ZMAT4: variants seen among roughly 807,000 people sequenced by gnomAD.
ZMAT4 encodes zinc finger matrin-type protein 4.
A neutral mutation model predicts 28.7 loss-of-function variants in ZMAT4; 17 were observed. The ratio of observed to expected loss-of-function variants is 0.59; its 90% CI spans 0.41 to 0.89. The LOEUF (loss-of-function observed/expected upper bound fraction) is 0.89. ZMAT4 is among the 40% of genes least tolerant of loss of function. The probability of loss-of-function intolerance (pLI) is 0.00; values close to 1 mark genes in which losing one functional copy is unlikely to be tolerated. For missense variants in ZMAT4, 240 were observed against 283.8 expected, an observed-to-expected ratio of 0.85 and a Z score of 1.11; for synonymous variants, 117 against 109.2, an observed-to-expected ratio of 1.07 and a Z score of -0.44.
At chr8:40,728,411 G>T (rs777182264) in intron 3 of ZMAT4, among the ~76,000 whole-genome samples, 1 of 152,070 alleles carries the variant, frequency 6.6e-6, no homozygotes, top group Non-Finnish European at 1.5e-5. Flanking sequence ...TTTCCATCTT[G>T]TGGGTCCATA....
intron 1 of ZMAT4, among the ~76,000 whole-genome samples, chr8:40,881,445 A>AAG (rs1818227806): frequency 8.9e-6 from 1 of 111,950 alleles, no homozygotes; most frequent in African/African-American, 3.9e-5. Flanking sequence ...GAAAGAAAGA[A>AAG]AGAAAGAAAG....
At chr8:40,609,188 A>C (rs1049299587) in intron 5 of ZMAT4, among the ~76,000 whole-genome samples, 1 of 152,234 alleles carries the variant, frequency 6.6e-6, no homozygotes, top group Non-Finnish European at 1.5e-5. Flanking sequence ...AAATATAATA[A>C]AAACAAAAGC....
chr8:40,584,929 A>G (rs544201386), intron 5 of ZMAT4, among the ~76,000 whole-genome samples: 1 of 152,298 alleles, frequency 6.6e-6, no homozygotes, highest in East Asian at 1.9e-4. Flanking sequence ...CCACTGCACC[A>G]GGCCTAAAGT....
intron 6 of ZMAT4, among the ~76,000 whole-genome samples, chr8:40,580,223 A>C (rs1196234586): frequency 5.9e-5 from 9 of 151,998 alleles, no homozygotes; most frequent in Non-Finnish European, 1.2e-4. Flanking sequence ...CGTGTTGGCC[A>C]GGATGGTCTC....
intron 3 of ZMAT4, among the ~76,000 whole-genome samples, chr8:40,700,319 A>G (rs536719533): frequency 6.6e-6 from 1 of 151,182 alleles, no homozygotes; most frequent in East Asian, 2.0e-4. Flanking sequence ...GAAATGCTGG[A>G]ATGCCCTTTT....
At chr8:40,703,196 G>A (rs1279422876) in intron 3 of ZMAT4, among the ~76,000 whole-genome samples, 4 of 152,126 alleles carry the variant, frequency 2.6e-5, no homozygotes, top group African/African-American at 9.7e-5. Flanking sequence ...ATAGAACATA[G>A]CTACTGTGGA....
intron 6 of ZMAT4, among the ~76,000 whole-genome samples, chr8:40,577,405 T>C (rs1804303674): frequency 6.6e-6 from 1 of 152,210 alleles, no homozygotes; most frequent in South Asian, 2.1e-4. Flanking sequence ...GGACATTATG[T>C]TAAGTGAAAT....
At chr8:40,538,397 AT>A (rs1349951497) in intron 6 of ZMAT4, among the ~76,000 whole-genome samples, 4 of 152,214 alleles carry the variant, frequency 2.6e-5, no homozygotes, top group African/African-American at 9.6e-5. Flanking sequence ...TTTTAAATGT[AT>A]TTGATTGATG....
chr8:40,533,993 AT>A (rs1334546545), intron 6 of ZMAT4, among the ~76,000 whole-genome samples: 3 of 152,220 alleles, frequency 2.0e-5, no homozygotes, highest in Non-Finnish European at 4.4e-5. Flanking sequence ...GAAGGACAGC[AT>A]CTTCACGTAA....
intron 6 of ZMAT4, among the ~76,000 whole-genome samples, chr8:40,555,031 G>A (rs1803487290): frequency 6.6e-6 from 1 of 152,086 alleles, no homozygotes; most frequent in Non-Finnish European, 1.5e-5. Context: ...ATCTCCATGA[G>A]ATTAACTTTT....
At chr8:40,702,016 G>T (rs1318257977) in intron 3 of ZMAT4, among the ~76,000 whole-genome samples, 1 of 152,180 alleles carries the variant, frequency 6.6e-6, no homozygotes, top group African/African-American at 2.4e-5. Flanking sequence ...GAGAGAGGGG[G>T]TTTGTTATCA....
chr8:40,649,155 T>A (rs1225517703), intron 5 of ZMAT4, among the ~76,000 whole-genome samples: 3 of 152,004 alleles, frequency 2.0e-5, no homozygotes, highest in Non-Finnish European at 4.4e-5. Context: ...TCAAGACCCA[T>A]CAGTGTGCTG....
chr8:40,889,956 G>A (rs1818608847), intron 1 of ZMAT4, among the ~76,000 whole-genome samples: 1 of 152,160 alleles, frequency 6.6e-6, no homozygotes, highest in Admixed American at 6.5e-5. Flanking sequence ...ATATCCACCA[G>A]CTAAGTCTAA....
chr8:40,713,936 A>G (rs529416054), intron 3 of ZMAT4, among the ~76,000 whole-genome samples: 169 of 150,258 alleles, frequency 1.1e-3, no homozygotes, highest in African/African-American at 3.9e-3. Flanking sequence ...AAAAAAAAAA[A>G]AAAGAAAAAG....
intron 5 of ZMAT4, 138 bp downstream of exon 5, chr8:40,674,566 C>T: frequency 3.0e-6 from 2 of 659,050 alleles, no homozygotes; most frequent in Non-Finnish European, 5.3e-6. Context: ...CATTTCCTTT[C>T]TTGTCCATTT....
chr8:40,816,456 G>A (rs988948117), intron 2 of ZMAT4, among the ~76,000 whole-genome samples: 3 of 152,034 alleles, frequency 2.0e-5, no homozygotes, highest in East Asian at 1.9e-4. Context: ...CTTGTCTAAC[G>A]TAGATATTGG....
intron 6 of ZMAT4, among the ~76,000 whole-genome samples, chr8:40,538,916 G>A (rs536042629): frequency 6.6e-6 from 1 of 152,164 alleles, no homozygotes; most frequent in South Asian, 2.1e-4. Context: ...TTCCCAAGTA[G>A]CTGGGATTAC....
chr8:40,626,782 C>T lies in ZMAT4; in HGVS notation c.578-45521G>A, dbSNP rs1336482595. The stretch of plus-strand genomic sequence containing the variant: ...TTGCTAATGTGAGATGTTGGATGGA[C>T]AGGCACCAGTTATGATGGAGCTGGG... On this transcript the variant is annotated intron_variant, in intron 5 of 6. Transcript: ENST00000297737. Among the ~76,000 whole-genome samples, 5 of 152,102 alleles carry T rather than the reference C, an allele frequency of 3.3e-5. No individual in the cohort carries two copies. The East Asian group carries it at 9.6e-4, about 29-fold the overall frequency.
intron 5 of ZMAT4, among the ~76,000 whole-genome samples, chr8:40,648,494 C>A (rs1253614398): frequency 6.6e-6 from 1 of 151,114 alleles, no homozygotes; most frequent in Non-Finnish European, 1.5e-5. Flanking sequence ...AGTTGGAAAA[C>A]ACGCTGCAGG....
Sources: gnomAD v4.1 joint callset for allele counts (sites outside exome capture counted in the v4.1 genomes callset) on GRCh38, gnomAD v4.1.1 for gene constraint, MANE v1.5 for transcripts, NCBI Gene and HGNC (gene_info 2026-07-23, HGNC 2026-07-21) for gene names.